The following CEMIP variants were observed in gnomAD, a reference collection of about 807,000 sequenced individuals.
CEMIP encodes cell migration inducing hyaluronidase 1, also known as cell migration-inducing and hyaluronan-binding protein.
CEMIP carries 105 observed loss-of-function variants against 156.9 expected under a neutral mutation model. The observed-to-expected ratio is 0.67, with a 90% CI of 0.57 to 0.79. The LOEUF (loss-of-function observed/expected upper bound fraction) is 0.79. Among genes scored for constraint, CEMIP ranks in the 30% least tolerant of loss-of-function variants. The pLI is 0.00. For synonymous variants in CEMIP, 676 were observed against 668.4 expected, an observed-to-expected ratio of 1.01 and a Z score of -0.17; for missense variants, 1,457 against 1,769.4, an observed-to-expected ratio of 0.82 and a Z score of 3.17.
intron 3 of CEMIP, among the ~76,000 whole-genome samples, chr15:80,874,696 G>A (rs549317525): frequency 4.7e-4 from 72 of 152,252 alleles, no homozygotes; most frequent in African/African-American, 1.7e-3. Context: ...AGAAGTGTAA[G>A]GTAAGTTTCC....
At chr15:80,903,035 T>C (rs996761072) in intron 12 of CEMIP, 1 of 152,130 alleles carries the variant, frequency 6.6e-6, no homozygotes, top group Non-Finnish European at 1.5e-5. Context: ...GTGAGCTGAG[T>C]TGGAATCTGA....
At chr15:80,907,003 G>T (rs927111707) in intron 13 of CEMIP, among the ~76,000 whole-genome samples, 165 bp downstream of exon 13, 4 of 59,552 alleles carry the variant, frequency 6.7e-5, no homozygotes, top group Non-Finnish European at 1.0e-4. Context: ...TTATCCATTA[G>T]TGTGCAGCTC....
chr15:80,795,961 G>A (rs1345840794), intron 1 of CEMIP, among the ~76,000 whole-genome samples: 2 of 152,168 alleles, frequency 1.3e-5, no homozygotes, highest in African/African-American at 4.8e-5. Context: ...TATTATCTCT[G>A]AGGAAATGAT....
At chr15:80,836,715 C>T (rs1177822988) in intron 1 of CEMIP, among the ~76,000 whole-genome samples, 4 of 144,972 alleles carry the variant, frequency 2.8e-5, no homozygotes, top group Non-Finnish European at 6.1e-5. Flanking sequence ...ATCCAAAGGC[C>T]TCCTGCTTAT....
At chr15:80,871,651 G>A (rs1469982125) in intron 1 of CEMIP, among the ~76,000 whole-genome samples, 3 of 152,094 alleles carry the variant, frequency 2.0e-5, no homozygotes, top group Non-Finnish European at 2.9e-5. Flanking sequence ...ACCAAGGAAG[G>A]GCTCCTCTGA....
chr15:80,920,518 T>C (rs561417157), intron 15 of CEMIP, among the ~76,000 whole-genome samples: 1 of 152,318 alleles, frequency 6.6e-6, no homozygotes, highest in African/African-American at 2.4e-5. Flanking sequence ...CTCATGTGCA[T>C]TTTTCTTGTC....
At chr15:80,830,975 T>C (rs560946280) in intron 1 of CEMIP, among the ~76,000 whole-genome samples, 4 of 152,308 alleles carry the variant, frequency 2.6e-5, no homozygotes, top group African/African-American at 9.6e-5. Context: ...ATATTAATCA[T>C]GTACTGGGTC....
chr15:80,922,859 G>C (rs918855918), intron 17 of CEMIP, among the ~76,000 whole-genome samples: 4 of 152,164 alleles, frequency 2.6e-5, no homozygotes, highest in African/African-American at 9.7e-5. Flanking sequence ...GCATGGCTGA[G>C]ACCAGAGACG....
At position 80,895,042 on chromosome 15, in the gene CEMIP, G is replaced by A; in HGVS notation, c.1139G>A (p.Gly380Asp). ...NLSTEVVYKK[G>D]QDYRFACYDR... is the part of the protein sequence containing the mutation. ...AGCACCGAGGTTGTCTACAAAAAAGGCCAGGATTATAGGTTTGCTTGCTAC... is the reference window on the plus strand; with the variant it reads ...AGCACCGAGGTTGTCTACAAAAAAGACCAGGATTATAGGTTTGCTTGCTAC... The change falls in exon 11 of 30, where the codon GGC becomes GAC. Residue 380 changes from glycine (G) to aspartate (D), a missense_variant. Physicochemically the swap from Gly to Asp is moderately conservative, Grantham distance 94. Around this residue, in one of 5 missense-constraint regions of CEMIP, gnomAD observed 280 missense variants for 300.3 expected, o/e 0.93. Coordinates refer to ENST00000394685, the MANE Select transcript of CEMIP (RefSeq NM_001293298.2). The A allele has an allele frequency of 6.2e-7, 1 of 1,614,210 alleles. No individual in the cohort carries two copies. Among genetic ancestry groups the A allele is most frequent in the Non-Finnish European group, 8.5e-7 (1 of 1,180,038 alleles).
chr15:80,919,442 G>T (rs768179147), intron 14 of CEMIP, among the ~76,000 whole-genome samples: 1 of 152,138 alleles, frequency 6.6e-6, no homozygotes, highest in South Asian at 2.1e-4. Context: ...ACCTTCTCAC[G>T]TATGATATCT....
intron 1 of CEMIP, among the ~76,000 whole-genome samples, chr15:80,810,094 G>A (rs1029435139): frequency 3.3e-5 from 5 of 151,468 alleles, no homozygotes; most frequent in African/African-American, 1.2e-4. Context: ...ACCAGGTTCT[G>A]GGAATCTTGG....
intron 1 of CEMIP, among the ~76,000 whole-genome samples, chr15:80,792,381 A>G (rs1030288832): frequency 1.3e-5 from 2 of 152,170 alleles, no homozygotes; most frequent in African/African-American, 2.4e-5. Context: ...GGTGTAATAA[A>G]CTGGGAAAGG....
chr15:80,810,803 A>ACCAT (rs59025609), intron 1 of CEMIP, among the ~76,000 whole-genome samples: 74 of 149,414 alleles, frequency 5.0e-4, no homozygotes, highest in African/African-American at 1.3e-3. Context: ...TATCCATTCA[A>ACCAT]CCATCCATCC....
At chr15:80,812,991 A>AGACTTCAAAAGAAATTTTGTGTT (rs1268978013) in intron 1 of CEMIP, among the ~76,000 whole-genome samples, 3 of 152,264 alleles carry the variant, frequency 2.0e-5, no homozygotes, top group Non-Finnish European at 1.5e-5. Context: ...TAAGGGGGAT[A>AGACTTCAAAAGAAATTTTGTGTT]GACTTCAAAA....
intron 1 of CEMIP, among the ~76,000 whole-genome samples, chr15:80,846,562 G>C (rs1897564508): frequency 2.0e-5 from 3 of 152,338 alleles, no homozygotes; most frequent in African/African-American, 7.2e-5. Context: ...TCTCACCGGG[G>C]TGGTACTGAT....
intron 1 of CEMIP, among the ~76,000 whole-genome samples, chr15:80,802,515 T>A (rs560386619): frequency 2.2e-4 from 33 of 152,338 alleles, no homozygotes; most frequent in African/African-American, 7.9e-4. Flanking sequence ...GACAGGGGCA[T>A]GACTCCAGCG....
chr15:80,903,537 G>A (rs1343415941), intron 12 of CEMIP, among the ~76,000 whole-genome samples: 1 of 152,196 alleles, frequency 6.6e-6, no homozygotes, highest in Non-Finnish European at 1.5e-5. Context: ...ACAGAAGAGG[G>A]TATGTGGGAG....
At chr15:80,937,728 GC>G in intron 24 of CEMIP, 65 bp from the exon 25 acceptor site, 1 of 1,491,542 alleles carries the variant, frequency 6.7e-7, no homozygotes, top group South Asian at 1.1e-5. Context: ...TTTCTCCAAG[GC>G]ATGCTCCAAA....
chr15:80,864,259 G>GT (rs552598881), intron 1 of CEMIP, among the ~76,000 whole-genome samples: 257 of 152,286 alleles, frequency 1.7e-3, no homozygotes, highest in Non-Finnish European at 2.9e-3. Flanking sequence ...TCATATTTGG[G>GT]TTTTTTCCCC....
Sources: gnomAD v4.1 joint callset for allele counts (sites outside exome capture counted in the v4.1 genomes callset) on GRCh38, gnomAD v4.1.1 for gene constraint, gnomAD v4.1.1 regional missense constraint, MANE v1.5 for transcripts, NCBI Gene and HGNC (gene_info 2026-07-23, HGNC 2026-07-21) for gene names.